The following PPP1R26 variants were observed in gnomAD, a reference collection of about 807,000 sequenced individuals.
PPP1R26 encodes 1A6/DRIM (down-regulated in metastasis) interacting protein.
A neutral mutation model predicts 67.6 loss-of-function variants in PPP1R26; 22 were observed. The ratio of observed to expected loss-of-function variants is 0.33; its 90% CI spans 0.23 to 0.46. The LOEUF is 0.46. Among genes scored for constraint, PPP1R26 ranks in the 20% least tolerant of loss-of-function variants. The probability of loss-of-function intolerance (pLI) is 1.00; values close to 1 mark genes in which losing one functional copy is unlikely to be tolerated. For missense variants in PPP1R26, 1,602 were observed against 1,651.4 expected (o/e 0.97, Z 0.52); for synonymous variants, 729 against 717.2 (o/e 1.02, Z -0.26).
At position 135,486,482 on chromosome 9, in the gene PPP1R26, G is replaced by A. The variant is rs140602775; in HGVS notation, c.1972G>A (p.Asp658Asn). The change falls in exon 4 of 4, where the codon GAC (aspartate) becomes AAC (asparagine). Residue 658 changes from aspartate (D) to asparagine (N), a missense_variant. By Grantham distance (23) the Asp-to-Asn change is conservative. Transcript: ENST00000356818. This position sits in a 1 kb window ranked among gnomAD's most constrained non-coding sequence, Gnocchi z 6.2. ...GGAGGGCACCGCCAGGGGCCCTGGC[G>A]ACACTCGCATGTCACAGGGCCAGGG... ...GGEGTARGPGDTRMSQGQGKT... is the reference protein window; with the variant it reads ...GGEGTARGPGNTRMSQGQGKT... 3.9e-4 allele frequency: 621 copies of A among 1,612,952 alleles called. 5 individuals carry two copies. The East Asian group carries it at 0.011, about 27-fold the overall frequency.
chr9:135,484,556 T>C lies in PPP1R26; in HGVS notation c.46T>C (p.Trp16Arg), dbSNP rs1554731636. The C allele has an allele frequency of 1.2e-6, 2 of 1,611,224 alleles. No individual in the cohort carries two copies. The highest frequency in any genetic ancestry group is 2.2e-5 in the South Asian group (2 of 91,030). ...ASPVVALQSKWEAFGPPGSCR... is the reference protein window; with the variant it reads ...ASPVVALQSKREAFGPPGSCR... ...TCCAGTGGTTGCTCTCCAGTCCAAA[T>C]GGGAGGCCTTTGGCCCGCCAGGGAG... Residue 16 changes from tryptophan (W) to arginine (R), a missense_variant, in exon 4 of 4, where the codon TGG becomes CGG. Coordinates refer to ENST00000356818, the MANE Select transcript of PPP1R26 (RefSeq NM_014811.5).
Position 135,488,181 on chromosome 9 carries a change from C to G in PPP1R26, c.*41C>G. On this transcript the variant is annotated 3_prime_UTR_variant, in exon 4 of 4. Transcript: ENST00000356818. ...GTTCGCGTCCTGGGTTGCGTGCATT[C>G]GTGGAAAGCGGCGTAGCCGTGCGTG... is the stretch of plus-strand genomic sequence containing the variant. The G allele has an allele frequency of 2.0e-6, 3 of 1,482,872 alleles. No individual in the cohort carries two copies. The highest frequency in any genetic ancestry group is 2.7e-6 in the Non-Finnish European group (3 of 1,118,884). The allele number at this position is 1,482,872 out of a possible 1,614,324, so 91.9% of individuals were successfully genotyped here. A position where few individuals can be genotyped will look rare whatever the true frequency, so the allele number is the denominator to read the frequency against.
Position 135,484,643 on chromosome 9 carries a change from G to C in PPP1R26, c.133G>C (p.Ala45Pro). 1 of 1,611,374 alleles carries C rather than the reference G, an allele frequency of 6.2e-7. No individual in the cohort carries two copies. The highest frequency in any genetic ancestry group is 8.5e-7 in the Non-Finnish European group (1 of 1,179,978). Residue 45 changes from alanine (A) to proline (P), a missense_variant, in exon 4 of 4, where the codon GCC becomes CCC. This residue lies in a region of PPP1R26 where 168 missense variants were observed against 176.1 expected (regional missense o/e 0.95). Coordinates refer to ENST00000356818, the MANE Select transcript of PPP1R26 (RefSeq NM_014811.5). ...GGGCGTGGAGAGCGCGTCGGTGAGC[G>C]CCCGGGTGCAGATGCTTATCAGCAC... Reference protein sequence around the residue: ...DEGVESASVSARVQMLISTLQ... With the variant: ...DEGVESASVSPRVQMLISTLQ...
Position 135,487,346 on chromosome 9 carries a change from G to A in PPP1R26, c.2836G>A (p.Val946Ile). ...PVPPRSTSGGVSAKGLSVSRR... is the reference protein window; with the variant it reads ...PVPPRSTSGGISAKGLSVSRR... ...GCCGCCCAGGAGCACCAGCGGCGGT[G>A]TCTCCGCCAAGGGGCTCTCAGTGAG... The change falls in exon 4 of 4, where the codon GTC becomes ATC. Residue 946 changes from valine (V) to isoleucine (I), a missense_variant. By Grantham distance (29) the Val-to-Ile change is conservative (BLOSUM62 3). This residue lies in a region of PPP1R26 where 740 missense variants were observed against 696.3 expected (regional missense o/e 1.06). Coordinates refer to ENST00000356818, the MANE Select transcript of PPP1R26 (RefSeq NM_014811.5). The A allele has an allele frequency of 1.9e-6, 3 of 1,553,664 alleles. No individual in the cohort carries two copies. Among genetic ancestry groups the A allele is most frequent in the African/African-American group, 1.4e-5 (1 of 73,204 alleles).
chr9:135,481,689 G>T (rs1201147927), intron 1 of PPP1R26, among the ~76,000 whole-genome samples: 2 of 151,942 alleles, frequency 1.3e-5, no homozygotes, highest in Admixed American at 1.3e-4. Flanking sequence ...CGCGATCTCG[G>T]CTCACTGCAA....
chr9:135,487,671 G>C lies in PPP1R26; in HGVS notation c.3161G>C (p.Gly1054Ala), dbSNP rs902962211. The C allele has an allele frequency of 6.9e-7, 1 of 1,459,740 alleles. No homozygotes were observed. The highest frequency in any genetic ancestry group is 2.7e-5 in the Admixed American group (1 of 36,566). 90.4% of individuals were successfully genotyped at this position (1,459,740 alleles called of 1,614,324 possible). ...SEGRDAVWRG[G>A]VGSERDKGSE... is the part of the protein sequence containing the mutation. Reference sequence around the variant, plus strand: ...GGCAGAGATGCAGTGTGGAGGGGGGGCGTCGGGAGCGAGAGAGACAAGGGG... The same window carrying C: ...GGCAGAGATGCAGTGTGGAGGGGGGCCGTCGGGAGCGAGAGAGACAAGGGG... Residue 1054 changes from glycine to alanine, a missense_variant, in exon 4 of 4, where the codon GGC (glycine) becomes GCC (alanine). Gly to Ala is a moderately conservative substitution (Grantham distance 60). This residue lies in a region of PPP1R26 where 740 missense variants were observed against 696.3 expected (regional missense o/e 1.06). Transcript: ENST00000356818.
chr9:135,484,475 C>T lies in PPP1R26; in HGVS notation c.-36C>T. 1 of 1,487,382 alleles carries T rather than the reference C, an allele frequency of 6.7e-7. No individual in the cohort carries two copies. Among genetic ancestry groups the T allele is most frequent in the African/African-American group, 1.4e-5 (1 of 71,008 alleles). 92.1% of individuals were successfully genotyped at this position (1,487,382 alleles called of 1,614,324 possible). The stretch of plus-strand genomic sequence containing the variant: ...ATGTGAAGCCGGTAGAGAAATAAAG[C>T]ATCGCCCCTCTGCGCGCCCCTCCCC... On this transcript the variant is annotated 5_prime_UTR_variant, in exon 4 of 4. Coordinates refer to ENST00000356818, the MANE Select transcript of PPP1R26 (RefSeq NM_014811.5).
intron 1 of PPP1R26, among the ~76,000 whole-genome samples, chr9:135,482,268 C>T (rs1030065972): frequency 2.6e-5 from 4 of 152,210 alleles, no homozygotes; most frequent in African/African-American, 7.2e-5. Flanking sequence ...GTAAGGCAGG[C>T]GTGGGTTTGC....
chr9:135,482,407 G>A (rs866218331), intron 1 of PPP1R26, among the ~76,000 whole-genome samples: 2 of 152,172 alleles, frequency 1.3e-5, no homozygotes, highest in African/African-American at 4.8e-5. Context: ...TTGAGAACTA[G>A]CAGATAACGT....
rs371154506 is a variant in PPP1R26, at chr9:135,487,352, G to A, written c.2842G>A (p.Ala948Thr). ...PPRSTSGGVSAKGLSVSRRNV... is the reference protein window; with the variant it reads ...PPRSTSGGVSTKGLSVSRRNV... ...CAGGAGCACCAGCGGCGGTGTCTCC[G>A]CCAAGGGGCTCTCAGTGAGCAGGAG... is the stretch of plus-strand genomic sequence containing the variant. Residue 948 changes from alanine to threonine, a missense_variant, in exon 4 of 4, where the codon GCC becomes ACC. Ala to Thr is a moderately conservative substitution (Grantham distance 58, BLOSUM62 0). Transcript: ENST00000356818. The A allele has an allele frequency of 2.4e-5, 37 of 1,555,684 alleles. No individual in the cohort carries two copies. The highest frequency in any genetic ancestry group is 2.0e-4 in the Middle Eastern group (1 of 5,090).
At chr9:135,480,274 C>T (rs892098456) in intron 1 of PPP1R26, 1 of 152,110 alleles carries the variant, frequency 6.6e-6, no homozygotes, top group African/African-American at 2.4e-5. Context: ...AGGTGAGGCG[C>T]AGGTGAGGGC....
rs369722366 is a variant in PPP1R26 at position 135,486,400 on chromosome 9, C to T, written c.1890C>T (p.Pro630=). The T allele has an allele frequency of 8.0e-5, 129 of 1,612,984 alleles. No individual in the cohort carries two copies. Among genetic ancestry groups the T allele is most frequent in the Non-Finnish European group, 1.0e-4 (118 of 1,179,908 alleles). Residue 630 remains proline (P), a synonymous_variant, in exon 4 of 4, where the codon CCC becomes CCT. Transcript: ENST00000356818. This position sits in a 1 kb window ranked among gnomAD's most constrained non-coding sequence, Gnocchi z 6.2. ...DADHSQGRAE[P]GHERRDLPIQ... ...ACCACAGCCAGGGGAGAGCTGAGCC[C>T]GGCCATGAGAGGCGAGACCTGCCCA...
Position 135,485,006 on chromosome 9 carries a change from G to A in PPP1R26, c.496G>A (p.Ala166Thr), listed in dbSNP as rs148477106. Residue 166 changes from alanine to threonine, a missense_variant, in exon 4 of 4, where the codon GCA becomes ACA. Physicochemically the swap from Ala to Thr is moderately conservative, Grantham distance 58. Around this residue, in one of 5 missense-constraint regions of PPP1R26, gnomAD observed 680 missense variants for 726.1 expected, o/e 0.94. Coordinates refer to ENST00000356818, the MANE Select transcript of PPP1R26 (RefSeq NM_014811.5). The surrounding 1 kb of genome is among the most constrained non-coding windows in gnomAD (Gnocchi z 7.2). ...AGGTGCAGCCCAGCCTTCCAGGGCC[G>A]CAGGCGGAGGCAGTAGATGTAAGCC... is the stretch of plus-strand genomic sequence containing the variant. ...QPGAAQPSRA[A>T]GGGSRCKPEP... 2.2e-5 allele frequency: 35 copies of A among 1,584,986 alleles called. No homozygotes were observed. The highest frequency in any genetic ancestry group is 8.1e-5 in the African/African-American group (6 of 74,234).
chr9:135,482,983 C>CTTTTTTTTTTTTTTT (rs1360229729), intron 2 of PPP1R26, among the ~76,000 whole-genome samples, 168 bp downstream of exon 2: 11 of 125,754 alleles, frequency 8.7e-5, no homozygotes, highest in East Asian at 3.3e-4. Context: ...CTTTTTCTTT[C>CTTTTTTTTTTTTTTT]TTTCTTTTTT....
chr9:135,486,993 G>A lies in PPP1R26; in HGVS notation c.2483G>A (p.Ser828Asn). 1 of 1,612,700 alleles carries A rather than the reference G, an allele frequency of 6.2e-7. No individual in the cohort carries two copies. Among genetic ancestry groups the A allele is most frequent in the Non-Finnish European group, 8.5e-7 (1 of 1,179,940 alleles). The part of the protein sequence containing the change: ...APSPGSLSDD[S>N]SSVDSNDSIE... ...AGCCCCGGCTCCCTGTCTGATGACA[G>A]CAGTTCAGTGGACAGCAACGACAGC... Residue 828 changes from serine (S) to asparagine (N), a missense_variant, in exon 4 of 4, where the codon AGC (serine) becomes AAC (asparagine). Coordinates refer to ENST00000356818, the MANE Select transcript of PPP1R26 (RefSeq NM_014811.5). This position sits in a 1 kb window ranked among gnomAD's most constrained non-coding sequence, Gnocchi z 6.2.
chr9:135,487,521 C>G lies in PPP1R26; in HGVS notation c.3011C>G (p.Pro1004Arg), dbSNP rs201708598. ...RGTFHMGCGS[P>R]SFLTPSPGAE... ...ACCTTTCACATGGGCTGCGGGAGCC[C>G]GAGCTTCCTGACCCCCAGCCCGGGA... Residue 1004 changes from proline (P) to arginine (R), a missense_variant, in exon 4 of 4, where the codon CCG (proline) becomes CGG (arginine). Physicochemically the swap from Pro to Arg is moderately radical, Grantham distance 103. This residue lies in a region of PPP1R26 where 740 missense variants were observed against 696.3 expected (regional missense o/e 1.06). Transcript: ENST00000356818. The G allele has an allele frequency of 3.1e-6, 5 of 1,601,422 alleles. No individual in the cohort carries two copies. The East Asian group carries it at 1.1e-4, about 36-fold the overall frequency.
upstream of PPP1R26, chr9:135,479,113 TC>T (rs537918941): frequency 3.2e-3 from 480 of 152,272 alleles, 2 homozygotes; most frequent in Middle Eastern, 0.031. The surrounding 1 kb of genome is among the most constrained non-coding windows in gnomAD (Gnocchi z 5.9). Context: ...GGCCTCAAGG[TC>T]CGGGGCAGTT....
Position 135,487,100 on chromosome 9 carries a change from A to G in PPP1R26, c.2590A>G (p.Thr864Ala), listed in dbSNP as rs1461467721. The G allele has an allele frequency of 6.2e-7, 1 of 1,611,516 alleles. No individual in the cohort carries two copies. The highest frequency in any genetic ancestry group is 8.5e-7 in the Non-Finnish European group (1 of 1,179,970). Reference protein sequence around the residue: ...SSSEVQAEGPTALGTGGPARP... With the variant: ...SSSEVQAEGPAALGTGGPARP... The stretch of plus-strand genomic sequence containing the variant: ...TTCAGAAGTTCAGGCAGAGGGCCCC[A>G]CCGCTCTTGGGACAGGGGGCCCAGC... Residue 864 changes from threonine to alanine, a missense_variant, in exon 4 of 4, where the codon ACC becomes GCC. By Grantham distance (58) the Thr-to-Ala change is moderately conservative. Transcript: ENST00000356818.
Position 135,487,787 on chromosome 9 carries a change from G to A in PPP1R26, c.3277G>A (p.Val1093Ile), listed in dbSNP as rs761122892. 6.5e-7 allele frequency: 1 copy of A among 1,550,154 alleles called. No homozygotes were observed. The highest frequency in any genetic ancestry group is 2.1e-5 in the Admixed American group (1 of 47,664). Reference sequence around the variant, plus strand: ...CCAGCTCTTCCACTTTGGAAAGGGTGTCTCCTGGGGGGGCAGGCAGGCTGG... The same window carrying A: ...CCAGCTCTTCCACTTTGGAAAGGGTATCTCCTGGGGGGGCAGGCAGGCTGG... Reference protein sequence around the residue: ...STQLFHFGKGVSWGGRQAGLF... With the variant: ...STQLFHFGKGISWGGRQAGLF... Residue 1093 changes from valine (V) to isoleucine (I), a missense_variant, in exon 4 of 4, where the codon GTC becomes ATC. By Grantham distance (29) the Val-to-Ile change is conservative (BLOSUM62 3). This residue lies in a region of PPP1R26 where 740 missense variants were observed against 696.3 expected (regional missense o/e 1.06). Transcript: ENST00000356818.
Sources: allele counts gnomAD v4.1 joint callset (sites outside exome capture counted in the v4.1 genomes callset), GRCh38; gene constraint gnomAD v4.1.1; regional missense constraint gnomAD v4.1.1; non-coding constraint Gnocchi (gnomAD v3.1); transcripts MANE v1.5; gene names NCBI Gene and HGNC (gene_info 2026-07-23, HGNC 2026-07-21).